The following THSD4 variants were observed in gnomAD, a reference collection of about 807,000 sequenced individuals.
THSD4 encodes thrombospondin type 1 domain containing 4.
THSD4 carries 69 observed loss-of-function variants against 119.0 expected under a neutral mutation model. That is an observed-to-expected ratio of 0.58 (90% CI 0.48 to 0.71). THSD4 has a LOEUF of 0.71. THSD4 is among the 30% of genes least tolerant of loss of function. The pLI is 0.00. For missense variants in THSD4, 1,393 were observed against 1,391.1 expected, an observed-to-expected ratio of 1.00 and a Z score of -0.02; for synonymous variants, 524 against 540.4, an observed-to-expected ratio of 0.97 and a Z score of 0.42.
chr15:71,556,538 C>G (rs1818746262), intron 7 of THSD4, among the ~76,000 whole-genome samples: 1 of 151,490 alleles, frequency 6.6e-6, no homozygotes, highest in Non-Finnish European at 1.5e-5. Flanking sequence ...TCACGTGAGC[C>G]CAGGAGTTCG....
intron 8 of THSD4, among the ~76,000 whole-genome samples, chr15:71,670,721 C>T (rs2051508339): frequency 6.6e-6 from 1 of 151,724 alleles, no homozygotes; most frequent in South Asian, 2.1e-4. Flanking sequence ...GTTCATTTCC[C>T]CCCTATGAGT....
intron 7 of THSD4, among the ~76,000 whole-genome samples, chr15:71,542,662 G>C (rs935469079): frequency 2.0e-5 from 3 of 152,106 alleles, no homozygotes; most frequent in African/African-American, 7.2e-5. Context: ...CGGATCATGA[G>C]GTCAGGAGAT....
Position 71,781,392 on chromosome 15 carries a change from A to C in THSD4, c.*4018A>C, listed in dbSNP as rs146727388. On this transcript the variant is annotated 3_prime_UTR_variant, in exon 18 of 18. Coordinates refer to ENST00000261862, the MANE Select transcript of THSD4 (RefSeq NM_024817.3). ...CAAAGTGGGATGGAACCATGCAAAA[A>C]CAAAACCCACAGACATGCAGGCTAC... 964 of 152,960 alleles carry C rather than the reference A, an allele frequency of 6.3e-3. 14 individuals are homozygous for C. The highest frequency in any genetic ancestry group is 0.022 in the African/African-American group (908 of 41,580). The allele number at this position is 152,960 out of a possible 1,614,324, so 9.5% of individuals were successfully genotyped here.
chr15:71,327,398 C>T (rs2045360279), intron 6 of THSD4, among the ~76,000 whole-genome samples: 2 of 152,188 alleles, frequency 1.3e-5, no homozygotes, highest in South Asian at 4.1e-4. Flanking sequence ...CCTTCCCTGA[C>T]TGACCTGACC....
chr15:71,298,735 C>G (rs112119035), intron 6 of THSD4, among the ~76,000 whole-genome samples: 2,350 of 151,950 alleles, frequency 0.015, 16 homozygotes, highest in Middle Eastern at 0.024. Context: ...GCCTCAGCCT[C>G]CTGAGTAGCT....
intron 7 of THSD4, among the ~76,000 whole-genome samples, chr15:71,467,804 G>A (rs1477366769): frequency 6.6e-6 from 1 of 151,212 alleles, no homozygotes; most frequent in Non-Finnish European, 1.5e-5. Context: ...TCTTTCTCAT[G>A]CTGTTCCCAT....
intron 6 of THSD4, among the ~76,000 whole-genome samples, chr15:71,351,259 A>G (rs2045740484): frequency 6.6e-6 from 1 of 152,160 alleles, no homozygotes; most frequent in Admixed American, 6.5e-5. Flanking sequence ...ATACAGCAGA[A>G]GCCCAAACCT....
intron 7 of THSD4, among the ~76,000 whole-genome samples, chr15:71,551,081 G>C (rs2048919656): frequency 6.6e-6 from 1 of 152,148 alleles, no homozygotes; most frequent in South Asian, 2.1e-4. Flanking sequence ...CCATCCTACT[G>C]TCCTAGTGAT....
chr15:71,251,794 G>A (rs1471456967), intron 5 of THSD4, among the ~76,000 whole-genome samples: 1 of 152,144 alleles, frequency 6.6e-6, no homozygotes, highest in Non-Finnish European at 1.5e-5. Flanking sequence ...GAGCAGTGAA[G>A]TTGGGTACAG....
chr15:71,098,139 G>C (rs1348434540), intron 1 of THSD4, among the ~76,000 whole-genome samples: 2 of 150,914 alleles, frequency 1.3e-5, no homozygotes, highest in Non-Finnish European at 2.9e-5. Context: ...GTGAGCTGCG[G>C]AACAGTTCTT....
At chr15:71,662,291 T>A (rs1045774908) in intron 8 of THSD4, among the ~76,000 whole-genome samples, 4 of 152,156 alleles carry the variant, frequency 2.6e-5, no homozygotes, top group Admixed American at 6.5e-5. Flanking sequence ...GGATGGCAGA[T>A]GGGACTCAGA....
chr15:71,717,599 C>CA (rs5813660), intron 8 of THSD4, among the ~76,000 whole-genome samples: 79,681 of 143,170 alleles, frequency 0.56, 24,129 homozygotes, highest in East Asian at 0.76. Flanking sequence ...TTTAGCATAG[C>CA]AAAAAAAAAA....
At chr15:71,765,790 CTGTGTGTGTG>C (rs59012463) in intron 16 of THSD4, among the ~76,000 whole-genome samples, 46 of 146,314 alleles carry the variant, frequency 3.1e-4, no homozygotes, top group African/African-American at 5.8e-4. Context: ...CACACACTCT[CTGTGTGTGTG>C]TGTGTGTGTG....
intron 7 of THSD4, among the ~76,000 whole-genome samples, chr15:71,631,548 G>T (rs2050628917): frequency 6.6e-6 from 1 of 152,214 alleles, no homozygotes; most frequent in Non-Finnish European, 1.5e-5. Context: ...GGGGAGATCA[G>T]GTAGCACCTC....
chr15:71,639,813 C>T (rs190859776), intron 7 of THSD4, among the ~76,000 whole-genome samples: 1 of 146,780 alleles, frequency 6.8e-6, no homozygotes, highest in Non-Finnish European at 1.5e-5. Flanking sequence ...TGGCCTAAGA[C>T]AGCTGTAGAT....
rs142694800 is a variant in THSD4, at chr15:71,119,127, T to C, written c.-80+3429T>C. On this transcript the variant is annotated intron_variant, in intron 1 of 17. Transcript: ENST00000261862. ...TAGAAGGGAGACATCAGCATCTGCC[T>C]TGTACAGGAAGAAAGTTGAGGCTTA... is the stretch of plus-strand genomic sequence containing the variant. 3.7e-3 allele frequency among the ~76,000 whole-genome samples: 571 copies of C among 152,302 alleles called. 5 individuals are homozygous for C. The highest frequency in any genetic ancestry group is 0.013 in the African/African-American group (530 of 41,564).
intron 3 of THSD4, among the ~76,000 whole-genome samples, chr15:71,174,409 G>A (rs941758949): frequency 4.3e-4 from 64 of 148,908 alleles, no homozygotes; most frequent in Non-Finnish European, 8.5e-4. Context: ...ACTCCCACCC[G>A]AATATTGCGC....
chr15:71,484,207 G>A (rs774105904), intron 7 of THSD4, among the ~76,000 whole-genome samples: 29 of 152,126 alleles, frequency 1.9e-4, no homozygotes, highest in Non-Finnish European at 3.2e-4. Flanking sequence ...TCTGACCATC[G>A]GGAAACTTCC....
At chr15:71,585,812 T>C (rs969896007) in intron 7 of THSD4, among the ~76,000 whole-genome samples, 4 of 152,168 alleles carry the variant, frequency 2.6e-5, no homozygotes, top group Non-Finnish European at 2.9e-5. Context: ...ACTAGATAAT[T>C]TCAAATGACT....
Sources: gnomAD v4.1 joint callset for allele counts (sites outside exome capture counted in the v4.1 genomes callset) on GRCh38, gnomAD v4.1.1 for gene constraint, MANE v1.5 for transcripts, NCBI Gene and HGNC (gene_info 2026-07-23, HGNC 2026-07-21) for gene names.